Variants in MYLK4 observed in about 807,000 individuals in gnomAD.
MYLK4 encodes myosin light chain kinase family member 4.
In MYLK4, 46 loss-of-function variants were observed where a neutral mutation model predicts 48.1. That is an observed-to-expected ratio of 0.96 (90% CI 0.75 to 1.22). The LOEUF (loss-of-function observed/expected upper bound fraction) is 1.22, where lower values mean the gene tolerates loss of function less well. Among genes scored for constraint, MYLK4 ranks in the 50% most tolerant of loss-of-function variants. MYLK4 has a pLI of 0.00. For missense variants in MYLK4, 451 were observed against 486.1 expected (o/e 0.93, Z 0.68); for synonymous variants, 170 against 180.8 (o/e 0.94, Z 0.48).
intron 2 of MYLK4, among the ~76,000 whole-genome samples, chr6:2,718,467 T>C (rs1304726269): frequency 6.6e-6 from 1 of 152,158 alleles, no homozygotes; most frequent in South Asian, 2.1e-4. Flanking sequence ...GCATAAAAAT[T>C]ATAAAAACCT....
In MYLK4 at chr6:2,678,302, A is replaced by G; in HGVS notation, c.958T>C (p.Trp320Arg). The G allele has an allele frequency of 1.2e-6, 2 of 1,613,962 alleles. No homozygotes were observed. The highest frequency in any genetic ancestry group is 1.7e-6 in the Non-Finnish European group (2 of 1,179,984). ...TGAAATTCTTCATCCTCTAAGTCCCACCTGCAGGCCAGGATGTTGTTCAGC... is the reference window on the plus strand; with the variant it reads ...TGAAATTCTTCATCCTCTAAGTCCCGCCTGCAGGCCAGGATGTTGTTCAGC... Reference protein sequence around the residue: ...ETLNNILACRWDLEDEEFQDI... With the variant: ...ETLNNILACRRDLEDEEFQDI... Residue 320 changes from tryptophan to arginine, a missense_variant, in exon 10 of 13, where the codon TGG becomes CGG. Coordinates refer to ENST00000274643, the MANE Select transcript of MYLK4 (RefSeq NM_001012418.5).
chr6:2,733,916 C>A (rs947386046), intron 2 of MYLK4, among the ~76,000 whole-genome samples: 1 of 152,086 alleles, frequency 6.6e-6, no homozygotes, highest in Non-Finnish European at 1.5e-5. Flanking sequence ...TGATTCTTAT[C>A]TACAGTGGTT....
At chr6:2,723,539 C>T (rs1280474822) in intron 2 of MYLK4, among the ~76,000 whole-genome samples, 8 of 152,256 alleles carry the variant, frequency 5.3e-5, no homozygotes, top group East Asian at 1.9e-4. Context: ...GAGGTTCTCT[C>T]GCCCTCGCTG....
chr6:2,733,953 T>A (rs1294645065), intron 2 of MYLK4, among the ~76,000 whole-genome samples: 1 of 152,090 alleles, frequency 6.6e-6, no homozygotes, highest in Non-Finnish European at 1.5e-5. Flanking sequence ...AAATAATAAA[T>A]GTCAGCGCAT....
At chr6:2,705,455 C>G (rs1366271853) in intron 2 of MYLK4, among the ~76,000 whole-genome samples, 3 of 152,092 alleles carry the variant, frequency 2.0e-5, no homozygotes, top group African/African-American at 7.2e-5. Flanking sequence ...TAACACATGC[C>G]CCTCCAGGTC....
the MYLK4 span, among the ~76,000 whole-genome samples, chr6:2,764,919 A>G: frequency 6.6e-6 from 1 of 152,150 alleles, no homozygotes; most frequent in African/African-American, 2.4e-5. Context: ...CGTCCAATAG[A>G]ACACTGGTTT....
intron 6 of MYLK4, among the ~76,000 whole-genome samples, chr6:2,683,366 A>C (rs1761392371): frequency 6.7e-6 from 1 of 149,422 alleles, no homozygotes; most frequent in Non-Finnish European, 1.5e-5. Flanking sequence ...ACAAATGGAA[A>C]TCCTCAAGCC....
At chr6:2,757,571 C>T in the MYLK4 span, among the ~76,000 whole-genome samples, 2,714 of 151,076 alleles carry the variant, frequency 0.018, 39 homozygotes, top group Middle Eastern at 0.041. Flanking sequence ...TGAAATAGAA[C>T]CTATGTACAA....
the MYLK4 span, among the ~76,000 whole-genome samples, chr6:2,763,055 A>C: frequency 6.6e-6 from 1 of 152,170 alleles, no homozygotes; most frequent in South Asian, 2.1e-4. Context: ...TTATTCTCTC[A>C]TCTGGCCCCA....
chr6:2,765,105 C>G, the MYLK4 span, among the ~76,000 whole-genome samples: 1 of 151,742 alleles, frequency 6.6e-6, no homozygotes, highest in Non-Finnish European at 1.5e-5. Flanking sequence ...CCTGCCCTCG[C>G]GCGACTCGCA....
At chr6:2,767,225 A>G in the MYLK4 span, among the ~76,000 whole-genome samples, 1 of 152,216 alleles carries the variant, frequency 6.6e-6, no homozygotes, top group East Asian at 1.9e-4. Context: ...AAAACACTTG[A>G]GAAAAAAATG....
At chr6:2,764,239 C>G in the MYLK4 span, among the ~76,000 whole-genome samples, 1 of 152,128 alleles carries the variant, frequency 6.6e-6, no homozygotes, top group Non-Finnish European at 1.5e-5. Context: ...TTGAGCCTAA[C>G]TTTTTTAGTT....
chr6:2,683,055 A>C lies in MYLK4; in HGVS notation c.653T>G (p.Met218Arg). The C allele has an allele frequency of 6.2e-7, 1 of 1,614,192 alleles. No individual in the cohort carries two copies. Among genetic ancestry groups the C allele is most frequent in the Non-Finnish European group, 8.5e-7 (1 of 1,180,038 alleles). Residue 218 changes from methionine to arginine, a missense_variant, in exon 7 of 13, where the codon ATG becomes AGG. Physicochemically the swap from Met to Arg is moderately conservative, Grantham distance 91. Coordinates refer to ENST00000274643, the MANE Select transcript of MYLK4 (RefSeq NM_001012418.5). ...CAAGTGGAGAATGTACATCTGATGCATGTGCCTTATCCCCTCACATATCTG... is the reference window on the plus strand; with the variant it reads ...CAAGTGGAGAATGTACATCTGATGCCTGTGCCTTATCCCCTCACATATCTG... ...MKQICEGIRH[M>R]HQMYILHLDL...
At chr6:2,765,711 C>G in the MYLK4 span, 1 of 1,545,242 alleles carries the variant, frequency 6.5e-7, no homozygotes, top group Non-Finnish European at 8.7e-7. Flanking sequence ...ATGCCCGCCG[C>G]GCACATCAAC....
intron 12 of MYLK4, among the ~76,000 whole-genome samples, chr6:2,669,643 G>A (rs1029280553): frequency 1.3e-5 from 2 of 152,180 alleles, no homozygotes; most frequent in African/African-American, 4.8e-5. Flanking sequence ...CAGCCTGGTT[G>A]TCTGTGGATC....
chr6:2,683,391 T>TTGTGTGTGTG (rs67359849), intron 6 of MYLK4, among the ~76,000 whole-genome samples: 5,308 of 126,534 alleles, frequency 0.042, 256 homozygotes, highest in East Asian at 0.059. Context: ...CCCCACCTTT[T>TTGTGTGTGTG]TGTGTGTGTG....
chr6:2,753,998 CAAAA>C (rs199757208), upstream of MYLK4, among the ~76,000 whole-genome samples: 6 of 105,100 alleles, frequency 5.7e-5, no homozygotes, highest in African/African-American at 3.6e-5. Flanking sequence ...CCATCTCTAC[CAAAA>C]AAAAAAAAAA....
intron 7 of MYLK4, among the ~76,000 whole-genome samples, chr6:2,681,234 A>T (rs991523124): frequency 2.0e-5 from 3 of 152,126 alleles, no homozygotes; most frequent in Admixed American, 1.3e-4. Context: ...CCCCTCCCCA[A>T]CCTGTCCAGG....
At chr6:2,699,463 T>TC (rs1268751276) in intron 2 of MYLK4, among the ~76,000 whole-genome samples, 2 of 149,488 alleles carry the variant, frequency 1.3e-5, no homozygotes, top group Non-Finnish European at 3.0e-5. Flanking sequence ...GCTAATTTTT[T>TC]TTTTTTTGTA....
Sources: gnomAD v4.1 joint callset for allele counts (sites outside exome capture counted in the v4.1 genomes callset) on GRCh38, gnomAD v4.1.1 for gene constraint, MANE v1.5 for transcripts, NCBI Gene and HGNC (gene_info 2026-07-23, HGNC 2026-07-21) for gene names.